The following OR2L13 variants were observed in gnomAD, a reference collection of about 807,000 sequenced individuals.
OR2L13 encodes olfactory receptor family 2 subfamily L member 13.
In OR2L13, 14 loss-of-function variants were observed where a neutral mutation model predicts 15.3. The ratio of observed to expected loss-of-function variants is 0.91; its 90% CI spans 0.60 to 1.43. OR2L13 has a LOEUF of 1.43. OR2L13 is among the 40% of genes most tolerant of loss of function. The pLI, the probability that OR2L13 is intolerant of heterozygous loss-of-function variation, is 0.00. For synonymous variants in OR2L13, 152 were observed against 142.9 expected, an observed-to-expected ratio of 1.06 and a Z score of -0.45; for missense variants, 367 against 387.9, an observed-to-expected ratio of 0.95 and a Z score of 0.45.
chr1:248,046,758 GC>G, the OR2L13 span: 1 of 152,144 alleles, frequency 6.6e-6, no homozygotes, highest in African/African-American at 2.4e-5. Flanking sequence ...AATCTCACAT[GC>G]AGGGATGAAA....
the OR2L13 span, among the ~76,000 whole-genome samples, chr1:248,033,408 T>G: frequency 6.6e-6 from 1 of 152,120 alleles, no homozygotes; most frequent in Non-Finnish European, 1.5e-5. Context: ...GTCTATTTCT[T>G]GACTCTGTTT....
chr1:247,949,337 A>G, the OR2L13 span: 2 of 1,614,162 alleles, frequency 1.2e-6, no homozygotes, highest in African/African-American at 1.3e-5. Context: ...CTCACACTGT[A>G]TATGTACTCC....
the OR2L13 span, among the ~76,000 whole-genome samples, chr1:248,075,619 T>G: frequency 1.1e-4 from 16 of 152,370 alleles, no homozygotes; most frequent in East Asian, 2.9e-3. Flanking sequence ...ATGAGCATTT[T>G]TTCATTTGTC....
chr1:248,087,966 TTTTA>T, the OR2L13 span, among the ~76,000 whole-genome samples: 1 of 152,194 alleles, frequency 6.6e-6, no homozygotes, highest in African/African-American at 2.4e-5. Flanking sequence ...TAATAATAGA[TTTTA>T]TTTATTCAAC....
At chr1:248,016,830 T>A in the OR2L13 span, among the ~76,000 whole-genome samples, 1 of 152,122 alleles carries the variant, frequency 6.6e-6, no homozygotes, top group African/African-American at 2.4e-5. Context: ...TGTGTGTTTG[T>A]GTGTGATGTA....
At chr1:248,069,277 C>T in the OR2L13 span, among the ~76,000 whole-genome samples, 5 of 152,176 alleles carry the variant, frequency 3.3e-5, no homozygotes, top group Admixed American at 6.5e-5. Flanking sequence ...GTGGATCTCT[C>T]AGCAGAAACT....
At chr1:248,087,899 A>G in the OR2L13 span, among the ~76,000 whole-genome samples, 1 of 152,224 alleles carries the variant, frequency 6.6e-6, no homozygotes, top group Non-Finnish European at 1.5e-5. Flanking sequence ...CCTTGAATAT[A>G]TGTGACTTAA....
the OR2L13 span, among the ~76,000 whole-genome samples, chr1:247,948,373 C>T: frequency 6.7e-3 from 1,017 of 152,178 alleles, 15 homozygotes; most frequent in African/African-American, 0.023. Flanking sequence ...TCTGAGTTTG[C>T]GTCAGGCAGT....
chr1:248,065,626 T>G, the OR2L13 span, among the ~76,000 whole-genome samples: 6 of 124,216 alleles, frequency 4.8e-5, no homozygotes, highest in Non-Finnish European at 9.6e-5. Flanking sequence ...GATGTTCCCC[T>G]TCCTGTGTCC....
the OR2L13 span, among the ~76,000 whole-genome samples, chr1:248,010,054 A>G: frequency 2.0e-5 from 3 of 152,242 alleles, no homozygotes; most frequent in Non-Finnish European, 1.5e-5. Context: ...CCCACAACCA[A>G]TACAATACTG....
At chr1:247,994,508 G>GAC in the OR2L13 span, among the ~76,000 whole-genome samples, 1 of 152,074 alleles carries the variant, frequency 6.6e-6, no homozygotes, top group Non-Finnish European at 1.5e-5. Flanking sequence ...CTGGCTCTCA[G>GAC]ACACACACAC....
chr1:247,970,675 T>C, the OR2L13 span, among the ~76,000 whole-genome samples: 1 of 152,198 alleles, frequency 6.6e-6, no homozygotes, highest in Non-Finnish European at 1.5e-5. Context: ...CAAAGCATAT[T>C]ATAAAGAAAC....
the OR2L13 span, among the ~76,000 whole-genome samples, chr1:247,942,279 G>A: frequency 3.3e-5 from 5 of 152,132 alleles, no homozygotes; most frequent in African/African-American, 9.7e-5. Context: ...GTGCTTAAAA[G>A]TCATGTAGCC....
At chr1:248,065,016 A>G in the OR2L13 span, among the ~76,000 whole-genome samples, 7 of 152,214 alleles carry the variant, frequency 4.6e-5, no homozygotes, top group Non-Finnish European at 1.0e-4. Context: ...AGAACAACGG[A>G]GAAAGAAGTC....
At chr1:248,046,069 A>G in the OR2L13 span, among the ~76,000 whole-genome samples, 8,158 of 152,234 alleles carry the variant, frequency 0.054, 286 homozygotes, top group East Asian at 0.16. Context: ...TGCTATAAAC[A>G]GTAAGAAATT....
At chr1:247,943,300 G>A in the OR2L13 span, among the ~76,000 whole-genome samples, 1 of 152,062 alleles carries the variant, frequency 6.6e-6, no homozygotes, top group African/African-American at 2.4e-5. Context: ...AGGAGGCAAG[G>A]GTTGGAAAGC....
the OR2L13 span, among the ~76,000 whole-genome samples, chr1:248,027,426 A>G: frequency 1.3e-5 from 2 of 152,166 alleles, no homozygotes; most frequent in Non-Finnish European, 2.9e-5. Flanking sequence ...CTTGTGAAGC[A>G]TGTGATCTCT....
the OR2L13 span, chr1:248,061,660 T>C: frequency 8.5e-6 from 13 of 1,523,432 alleles, no homozygotes; most frequent in Non-Finnish European, 9.9e-6. Context: ...CAGATACACA[T>C]CCATCCAGCA....
chr1:247,964,352 A>T, the OR2L13 span, among the ~76,000 whole-genome samples: 2 of 152,208 alleles, frequency 1.3e-5, no homozygotes, highest in Admixed American at 1.3e-4. Flanking sequence ...CTTCCTGTGC[A>T]AAGCTCTAAT....
Sources: allele counts gnomAD v4.1 joint callset (sites outside exome capture counted in the v4.1 genomes callset), GRCh38; gene constraint gnomAD v4.1.1; transcripts MANE v1.5; gene names NCBI Gene and HGNC (gene_info 2026-07-23, HGNC 2026-07-21).